Variants in BMERB1 observed in about 807,000 individuals in gnomAD.
The protein encoded by BMERB1 is bMERB domain containing 1.
In BMERB1, 12 loss-of-function variants were observed where a neutral mutation model predicts 23.6. The ratio of observed to expected loss-of-function variants is 0.51; its 90% CI spans 0.33 to 0.82. The LOEUF is 0.82. BMERB1 is among the 40% of genes least tolerant of loss of function. BMERB1 has a pLI of 0.03. For missense variants in BMERB1, 247 were observed against 255.4 expected (o/e 0.97, Z 0.22); for synonymous variants, 122 against 96.6 (o/e 1.26, Z -1.54).
At chr16:15,510,789 C>T (rs1441315414) in intron 1 of BMERB1, among the ~76,000 whole-genome samples, 2 of 151,564 alleles carry the variant, frequency 1.3e-5, no homozygotes, top group African/African-American at 4.9e-5. Context: ...GCAGCCTCTG[C>T]CTCCCAGGTT....
intron 1 of BMERB1, among the ~76,000 whole-genome samples, chr16:15,451,337 C>G (rs960444729): frequency 6.6e-6 from 1 of 151,740 alleles, no homozygotes; most frequent in African/African-American, 2.4e-5. Flanking sequence ...ACCACAGGTG[C>G]ATGCCACTAT....
At position 15,587,626 on chromosome 16, in the gene BMERB1, A is replaced by C. The variant is rs1332084638; in HGVS notation, c.*797A>C. On this transcript the variant is annotated 3_prime_UTR_variant, in exon 6 of 6. Transcript: ENST00000300006. ...AGAATGGGACCCAGAGTAGATGCTG[A>C]CCTGGGCACTCCACCATTCCGGGGC... 5 of 396,932 alleles carry C rather than the reference A, an allele frequency of 1.3e-5. No individual in the cohort carries two copies. Among genetic ancestry groups the C allele is most frequent in the Non-Finnish European group, 2.6e-5 (5 of 190,592 alleles). The allele number at this position is 396,932 out of a possible 1,614,324, so 24.6% of individuals were successfully genotyped here. A position where few individuals can be genotyped will look rare whatever the true frequency, so the allele number is the denominator to read the frequency against.
At chr16:15,485,672 G>A (rs897309974) in intron 1 of BMERB1, among the ~76,000 whole-genome samples, 3 of 151,418 alleles carry the variant, frequency 2.0e-5, no homozygotes, top group Non-Finnish European at 2.9e-5. Flanking sequence ...GTTACTGGAG[G>A]AAACTGGGGA....
At chr16:15,567,949 G>A in intron 2 of BMERB1, 34 bp from the exon 3 acceptor site, 2 of 1,595,906 alleles carry the variant, frequency 1.3e-6, no homozygotes, top group South Asian at 1.1e-5. Context: ...CTCTGCTGAT[G>A]TAACCTGCTG....
chr16:15,586,928 G>A lies in BMERB1; in HGVS notation c.*99G>A, dbSNP rs2031162574. 2.5e-6 allele frequency: 2 copies of A among 815,374 alleles called. No homozygotes were observed. Among genetic ancestry groups the A allele is most frequent in the Non-Finnish European group, 3.9e-6 (2 of 519,304 alleles). 50.5% of individuals were successfully genotyped at this position (815,374 alleles called of 1,614,324 possible). On this transcript the variant is annotated 3_prime_UTR_variant, in exon 6 of 6. Transcript: ENST00000300006. ...GGCCCAAGAGCTCTCCAAGGCAGAAGGGGTTGAAGGCAAGCCCGTGACTGT... is the reference window on the plus strand; with the variant it reads ...GGCCCAAGAGCTCTCCAAGGCAGAAAGGGTTGAAGGCAAGCCCGTGACTGT...
intron 1 of BMERB1, among the ~76,000 whole-genome samples, chr16:15,452,209 A>G (rs1031626927): frequency 6.7e-6 from 1 of 149,990 alleles, no homozygotes; most frequent in Non-Finnish European, 1.5e-5. Context: ...TGAACCCAGG[A>G]GTTTGAGGTT....
chr16:15,516,850 TA>T (rs141399312), intron 2 of BMERB1, among the ~76,000 whole-genome samples: 5,425 of 152,252 alleles, frequency 0.036, 137 homozygotes, highest in Non-Finnish European at 0.053. Context: ...TATAAATTTT[TA>T]GTTACTTATT....
At chr16:15,488,296 C>T (rs539909689) in intron 1 of BMERB1, among the ~76,000 whole-genome samples, 7 of 152,246 alleles carry the variant, frequency 4.6e-5, no homozygotes, top group African/African-American at 9.6e-5. Flanking sequence ...CCTTGCCCCC[C>T]GTCCAAATAT....
intron 1 of BMERB1, among the ~76,000 whole-genome samples, chr16:15,514,197 G>C (rs2051715453): frequency 6.6e-6 from 1 of 152,080 alleles, no homozygotes; most frequent in Admixed American, 6.6e-5. Flanking sequence ...TGAGCCCAGG[G>C]TTCGAGGCGG....
chr16:15,567,270 T>C (rs931587340), intron 2 of BMERB1, among the ~76,000 whole-genome samples: 2 of 152,162 alleles, frequency 1.3e-5, no homozygotes, highest in African/African-American at 4.8e-5. Context: ...TACTAAACCG[T>C]TGACAATGAT....
intron 2 of BMERB1, among the ~76,000 whole-genome samples, chr16:15,524,237 G>A (rs2051883940): frequency 6.6e-6 from 1 of 152,236 alleles, no homozygotes; most frequent in African/African-American, 2.4e-5. Context: ...CATATCGGAT[G>A]GGAAGAGATG....
chr16:15,560,832 CTT>C (rs1189680758), intron 2 of BMERB1, among the ~76,000 whole-genome samples: 1 of 151,368 alleles, frequency 6.6e-6, no homozygotes, highest in Non-Finnish European at 1.5e-5. Flanking sequence ...AAAATAAAAA[CTT>C]TTACAAAGAA....
intron 5 of BMERB1, chr16:15,583,861 G>A (rs1041191965): frequency 2.8e-5 from 17 of 600,984 alleles, no homozygotes; most frequent in Admixed American, 1.2e-4. Context: ...TTTGGAACAT[G>A]GGGCCCTACA....
At chr16:15,512,964 A>G (rs1238298169) in intron 1 of BMERB1, among the ~76,000 whole-genome samples, 3 of 151,930 alleles carry the variant, frequency 2.0e-5, no homozygotes, top group South Asian at 2.1e-4. Context: ...TTCCTTGAGT[A>G]TAAGGAAAAA....
rs924866426 is a variant in BMERB1, at chr16:15,463,271, T to A, written c.106+28512T>A. Among the ~76,000 whole-genome samples the A allele has an allele frequency of 2.7e-5, 4 of 148,194 alleles. No homozygotes were observed. The East Asian group carries it at 5.8e-4, about 22-fold the overall frequency. On this transcript the variant is annotated intron_variant, in intron 1 of 5. Transcript: ENST00000300006. ...TTAAATCAATTAAATATATATATATTTTGTAGAGGCGGGGATCTCACTATG... is the reference window on the plus strand; with the variant it reads ...TTAAATCAATTAAATATATATATATATTGTAGAGGCGGGGATCTCACTATG...
rs749974242 is a variant in BMERB1 at position 15,515,346 on chromosome 16, C to T, written c.148C>T (p.Pro50Ser). ...IISMAETTMMPEEIELEMAKI... is the reference protein window; with the variant it reads ...IISMAETTMMSEEIELEMAKI... The stretch of plus-strand genomic sequence containing the variant: ...CTCCATGGCGGAGACAACCATGATG[C>T]CAGAGGAGATTGAGCTGGAGATGGC... Residue 50 changes from proline to serine, a missense_variant, in exon 2 of 6, where the codon CCA becomes TCA. Coordinates refer to ENST00000300006, the MANE Select transcript of BMERB1 (RefSeq NM_033201.3). The T allele has an allele frequency of 6.2e-7, 1 of 1,613,824 alleles. No homozygotes were observed. Among genetic ancestry groups the T allele is most frequent in the South Asian group, 1.1e-5 (1 of 91,046 alleles).
intron 2 of BMERB1, among the ~76,000 whole-genome samples, chr16:15,529,655 G>A (rs982673294): frequency 3.3e-5 from 5 of 152,090 alleles, no homozygotes; most frequent in Non-Finnish European, 7.4e-5. Flanking sequence ...ACTCAGCGTA[G>A]GCACTCTGAG....
intron 2 of BMERB1, among the ~76,000 whole-genome samples, chr16:15,538,566 T>G (rs1343061423): frequency 6.6e-6 from 1 of 152,200 alleles, no homozygotes; most frequent in South Asian, 2.1e-4. Flanking sequence ...TGCTTAGACC[T>G]GTTAGAACTG....
intron 5 of BMERB1, 24 bp downstream of exon 5, chr16:15,583,262 C>G: frequency 6.6e-7 from 1 of 1,522,548 alleles, no homozygotes; most frequent in Middle Eastern, 1.7e-4. Context: ...TTATTCATTC[C>G]CCTCCCCCAC....
Sources: allele counts gnomAD v4.1 joint callset (sites outside exome capture counted in the v4.1 genomes callset), GRCh38; gene constraint gnomAD v4.1.1; transcripts MANE v1.5; gene names NCBI Gene and HGNC (gene_info 2026-07-23, HGNC 2026-07-21).